The following NRXN1 variants were observed in gnomAD, a reference collection of about 807,000 sequenced individuals.
The protein encoded by NRXN1 is neurexin 1.
NRXN1 carries 39 observed loss-of-function variants against 150.9 expected under a neutral mutation model. The observed-to-expected ratio is 0.26, with a 90% CI of 0.20 to 0.34. The LOEUF is 0.34. Ranked by LOEUF, NRXN1 falls within the 10% of genes least tolerant of loss-of-function variation. The pLI, the probability that NRXN1 is intolerant of heterozygous loss-of-function variation, is 1.00. For missense variants in NRXN1, 1,815 were observed against 1,949.9 expected (o/e 0.93, Z 1.30); for synonymous variants, 924 against 757.0 (o/e 1.22, Z -3.62).
At chr2:50,603,507 T>C (rs182555482) in intron 8 of NRXN1, among the ~76,000 whole-genome samples, 2 of 152,294 alleles carry the variant, frequency 1.3e-5, no homozygotes, top group African/African-American at 4.8e-5. Context: ...CACACTTTTT[T>C]CTTAAATTTG....
intron 2 of NRXN1, among the ~76,000 whole-genome samples, chr2:50,932,723 A>C (rs925700393): frequency 3.3e-5 from 5 of 152,084 alleles, no homozygotes; most frequent in African/African-American, 7.2e-5. Flanking sequence ...CCAAAAATCT[A>C]TTGAAATAAT....
intron 5 of NRXN1, among the ~76,000 whole-genome samples, chr2:50,737,881 T>C (rs998490282): frequency 3.3e-5 from 5 of 152,180 alleles, no homozygotes; most frequent in African/African-American, 1.2e-4. Flanking sequence ...TATTTCTCTT[T>C]AAGAAAGACT....
intron 5 of NRXN1, among the ~76,000 whole-genome samples, chr2:50,894,015 G>T (rs940463550): frequency 6.6e-6 from 1 of 151,852 alleles, no homozygotes; most frequent in Non-Finnish European, 1.5e-5. Context: ...TTGGACATTT[G>T]GGTTGGTTCC....
chr2:50,946,173 G>C (rs139033932), intron 2 of NRXN1, among the ~76,000 whole-genome samples: 38 of 152,144 alleles, frequency 2.5e-4, no homozygotes, highest in Non-Finnish European at 4.9e-4. Flanking sequence ...CACTAGTCAT[G>C]AGAGATGTCC....
At chr2:50,182,970 G>C (rs1442845253) in intron 18 of NRXN1, among the ~76,000 whole-genome samples, 1 of 152,072 alleles carries the variant, frequency 6.6e-6, no homozygotes, top group Non-Finnish European at 1.5e-5. Flanking sequence ...TATAGCAAGG[G>C]AAACTAAAAT....
chr2:50,398,354 G>C (rs1308562460), intron 17 of NRXN1, among the ~76,000 whole-genome samples: 2 of 151,910 alleles, frequency 1.3e-5, no homozygotes, highest in Non-Finnish European at 2.9e-5. Context: ...AAGTACACCT[G>C]GTAAAGTCGA....
intron 18 of NRXN1, among the ~76,000 whole-genome samples, chr2:50,168,854 C>T (rs545031024): frequency 7.2e-5 from 11 of 152,314 alleles, no homozygotes; most frequent in Admixed American, 2.6e-4. Flanking sequence ...CTTCCATTTA[C>T]AACTTCTTTA....
At chr2:50,528,529 T>C (rs1157971920) in intron 12 of NRXN1, 96 bp downstream of exon 12, 4 of 736,836 alleles carry the variant, frequency 5.4e-6, no homozygotes, top group Non-Finnish European at 6.9e-6. Flanking sequence ...ATGAGTTTTA[T>C]AAACACATTT....
intron 18 of NRXN1, among the ~76,000 whole-genome samples, chr2:50,180,566 C>G (rs2060643238): frequency 6.6e-6 from 1 of 152,016 alleles, no homozygotes; most frequent in African/African-American, 2.4e-5. Context: ...ATATAAAGAG[C>G]TTTGGGGAGA....
intron 5 of NRXN1, among the ~76,000 whole-genome samples, chr2:50,638,372 C>A (rs889746843): frequency 2.9e-4 from 44 of 152,134 alleles, no homozygotes; most frequent in African/African-American, 1.0e-3. Flanking sequence ...GGCCTTCTCT[C>A]ACCTTATTCT....
intron 17 of NRXN1, among the ~76,000 whole-genome samples, chr2:50,374,870 C>T (rs188672047): frequency 6.6e-6 from 1 of 152,106 alleles, no homozygotes; most frequent in African/African-American, 2.4e-5. Context: ...AGTTTCACAG[C>T]CTTCCTTTTG....
intron 17 of NRXN1, among the ~76,000 whole-genome samples, chr2:50,296,792 T>G (rs1192133609): frequency 6.6e-6 from 1 of 151,870 alleles, no homozygotes; most frequent in East Asian, 1.9e-4. Context: ...AGTGAGAACA[T>G]GCAGTATGAA....
intron 5 of NRXN1, among the ~76,000 whole-genome samples, chr2:50,782,397 GA>G (rs1169349718): frequency 6.6e-6 from 1 of 151,890 alleles, no homozygotes; most frequent in East Asian, 1.9e-4. Flanking sequence ...TTGAACCTGG[GA>G]AAAGGGGTTG....
At chr2:50,122,026 C>T (rs563941036) in intron 18 of NRXN1, among the ~76,000 whole-genome samples, 4 of 152,148 alleles carry the variant, frequency 2.6e-5, no homozygotes, top group African/African-American at 7.2e-5. Context: ...ATAGTTACTG[C>T]GTTTTCATAA....
intron 5 of NRXN1, chr2:50,739,272 TA>T (rs1699150936): frequency 2.0e-6 from 1 of 503,468 alleles, no homozygotes; most frequent in South Asian, 1.5e-5. Context: ...ACTTTTTGAT[TA>T]AAAAGTATGT....
intron 18 of NRXN1, among the ~76,000 whole-genome samples, chr2:50,102,930 A>G (rs1452762): frequency 0.6 from 91,816 of 151,906 alleles, 28,700 homozygotes; most frequent in African/African-American, 0.74. Context: ...TTATGGAATA[A>G]TGCGTAACAA....
intron 17 of NRXN1, among the ~76,000 whole-genome samples, chr2:50,436,651 G>A (rs1211934168): frequency 6.6e-5 from 10 of 152,186 alleles, no homozygotes; most frequent in Admixed American, 6.5e-4. Flanking sequence ...ACAAGGAGAT[G>A]AGTAGCAGAA....
intron 17 of NRXN1, among the ~76,000 whole-genome samples, chr2:50,238,470 A>G (rs2065680190): frequency 6.6e-6 from 1 of 152,058 alleles, no homozygotes. Flanking sequence ...ATGATTATAC[A>G]TAATAAGAGA....
intron 22 of NRXN1, among the ~76,000 whole-genome samples, chr2:49,923,636 T>A (rs969764431): frequency 6.6e-6 from 1 of 152,210 alleles, no homozygotes; most frequent in African/African-American, 2.4e-5. Context: ...TGTTAATTAC[T>A]GGGAATCATT....
Sources: gnomAD v4.1 joint callset for allele counts (sites outside exome capture counted in the v4.1 genomes callset) on GRCh38, gnomAD v4.1.1 for gene constraint, MANE v1.5 for transcripts, NCBI Gene and HGNC (gene_info 2026-07-23, HGNC 2026-07-21) for gene names.